Variants in GRIK3 observed in about 807,000 individuals in gnomAD.
GRIK3 encodes glutamate receptor ionotropic, kainate 3.
Under a neutral mutation model 102.5 loss-of-function variants are expected in GRIK3, and 29 were observed. That is an observed-to-expected ratio of 0.28 (90% confidence interval 0.21 to 0.39). GRIK3 has a LOEUF of 0.39. Among genes scored for constraint, GRIK3 ranks in the 10% least tolerant of loss-of-function variants. GRIK3 has a pLI of 1.00. For missense variants in GRIK3, 908 were observed against 1,252.4 expected (o/e 0.73, Z 4.15); for synonymous variants, 511 against 504.9 (o/e 1.01, Z -0.16).
chr1:36,882,277 G>T (rs866516183), intron 2 of GRIK3, among the ~76,000 whole-genome samples: 1 of 152,188 alleles, frequency 6.6e-6, no homozygotes, highest in East Asian at 1.9e-4. Flanking sequence ...AAACAGTTCA[G>T]GTTCTTGCAG....
intron 10 of GRIK3, among the ~76,000 whole-genome samples, chr1:36,838,286 T>C (rs923362595): frequency 6.6e-6 from 1 of 152,240 alleles, no homozygotes; most frequent in Non-Finnish European, 1.5e-5. Flanking sequence ...TGAAATGTGC[T>C]AGACTCAGAA....
intron 1 of GRIK3, among the ~76,000 whole-genome samples, chr1:36,990,442 G>A (rs1470338374): frequency 2.6e-5 from 4 of 152,166 alleles, no homozygotes; most frequent in African/African-American, 9.7e-5. Flanking sequence ...CCCTGGGTCT[G>A]GGAGAACTCC....
chr1:36,986,478 CCAT>C (rs1642308317), intron 1 of GRIK3, among the ~76,000 whole-genome samples: 3 of 140,192 alleles, frequency 2.1e-5, no homozygotes, highest in South Asian at 2.1e-4. Flanking sequence ...ATCCATCCAT[CCAT>C]CCATCCATCC....
At chr1:37,022,666 C>A (rs573714268) in intron 1 of GRIK3, among the ~76,000 whole-genome samples, 3 of 152,200 alleles carry the variant, frequency 2.0e-5, no homozygotes, top group Non-Finnish European at 4.4e-5. Flanking sequence ...TAACAACATC[C>A]TTCATAAAAT....
chr1:36,894,428 T>G (rs1466334755), intron 1 of GRIK3, among the ~76,000 whole-genome samples: 1 of 152,238 alleles, frequency 6.6e-6, no homozygotes. Context: ...TTGTTTTAAT[T>G]GTTTTGAAAA....
At chr1:37,011,570 C>G (rs982572076) in intron 1 of GRIK3, among the ~76,000 whole-genome samples, 1 of 152,170 alleles carries the variant, frequency 6.6e-6, no homozygotes, top group African/African-American at 2.4e-5. Context: ...TGGCTTCATC[C>G]GAAGCAAGTA....
chr1:36,867,890 G>A (rs1476810756), intron 5 of GRIK3, among the ~76,000 whole-genome samples: 1 of 152,112 alleles, frequency 6.6e-6, no homozygotes, highest in African/African-American at 2.4e-5. Context: ...CAAGGCCGGG[G>A]TGGGGGGTCG....
At chr1:36,879,322 T>C (rs1211372683) in intron 3 of GRIK3, among the ~76,000 whole-genome samples, 1 of 152,026 alleles carries the variant, frequency 6.6e-6, no homozygotes, top group Non-Finnish European at 1.5e-5. Flanking sequence ...AGCCAGAACT[T>C]GGCTCTACAA....
chr1:36,958,403 G>C (rs1392498238), intron 1 of GRIK3, among the ~76,000 whole-genome samples: 2 of 100,330 alleles, frequency 2.0e-5, no homozygotes, highest in Non-Finnish European at 3.8e-5. Context: ...CTGTGAGCCT[G>C]TGTGCCCCGT....
Position 36,825,633 on chromosome 1 carries a change from C to A in GRIK3, c.1724G>T (p.Gly575Val). 1 of 1,602,950 alleles carries A rather than the reference C, an allele frequency of 6.2e-7. No individual in the cohort carries two copies. The highest frequency in any genetic ancestry group is 8.5e-7 in the Non-Finnish European group (1 of 1,174,690). ...IWMYVLLAYL[G>V]VSCVLFVIAR... Reference sequence around the variant, plus strand: ...GATGACGAAGAGGACACAGCTGACCCCCAGGTAGGCGAGGAGAACATACAT... The same window carrying A: ...GATGACGAAGAGGACACAGCTGACCACCAGGTAGGCGAGGAGAACATACAT... The change falls in exon 11 of 16, where the codon GGG becomes GTG. Residue 575 changes from glycine (G) to valine (V), a missense_variant. Gly to Val is a moderately radical substitution (Grantham distance 109). Coordinates refer to ENST00000373091, the MANE Select transcript of GRIK3 (RefSeq NM_000831.4).
intron 11 of GRIK3, among the ~76,000 whole-genome samples, chr1:36,823,531 G>A (rs900656428): frequency 6.8e-6 from 1 of 146,958 alleles, no homozygotes; most frequent in South Asian, 2.2e-4. Flanking sequence ...GAAAAACCGT[G>A]AGATGTCACA....
Position 36,854,961 on chromosome 1 carries a change from C to T in GRIK3, c.1105-1239G>A, listed in dbSNP as rs74064789. On this transcript the variant is annotated intron_variant, in intron 7 of 15. Transcript: ENST00000373091. ...TAGAACCCGTGATCCCAGGACCCCTCGGTCTGGACCTGTTTCCCTCCTCCA... is the reference window on the plus strand; with the variant it reads ...TAGAACCCGTGATCCCAGGACCCCTTGGTCTGGACCTGTTTCCCTCCTCCA... 2.6e-3 allele frequency among the ~76,000 whole-genome samples: 396 copies of T among 152,318 alleles called. 2 individuals carry two copies. The highest frequency in any genetic ancestry group is 9.0e-3 in the African/African-American group (373 of 41,566).
chr1:36,952,515 G>A (rs144228280), intron 1 of GRIK3, among the ~76,000 whole-genome samples: 3 of 152,346 alleles, frequency 2.0e-5, no homozygotes, highest in Non-Finnish European at 4.4e-5. Context: ...CTGGTCCTCA[G>A]TTTTCTCATC....
rs771403174 is a variant in GRIK3 at position 36,887,301 on chromosome 1, A to G, written c.292+3619T>C. Among the ~76,000 whole-genome samples, 85 of 152,220 alleles carry G rather than the reference A, an allele frequency of 5.6e-4. 1 individual carries two copies. The highest frequency in any genetic ancestry group is 1.3e-4 in the Non-Finnish European group (9 of 68,034). ...AGACAAAGACTTCTCAAACAACACA[A>G]AATACATTAACCATAATGGAAAATA... On this transcript the variant is annotated intron_variant, in intron 2 of 15. Transcript: ENST00000373091.
chr1:36,922,933 G>A (rs554697333), intron 1 of GRIK3, among the ~76,000 whole-genome samples: 10 of 152,290 alleles, frequency 6.6e-5, no homozygotes, highest in South Asian at 2.1e-4. Context: ...TGGGGTAAAG[G>A]GAGGCTGTAT....
chr1:36,972,061 G>A (rs1471353642), intron 1 of GRIK3, among the ~76,000 whole-genome samples: 6 of 152,214 alleles, frequency 3.9e-5, no homozygotes, highest in African/African-American at 9.6e-5. Context: ...GCAGGAGGGG[G>A]CTTGAGGAGG....
intron 1 of GRIK3, among the ~76,000 whole-genome samples, chr1:36,977,328 G>A (rs1376434010): frequency 1.3e-5 from 2 of 152,176 alleles, no homozygotes; most frequent in East Asian, 3.8e-4. Context: ...TGTATAAGAT[G>A]CACTATTATA....
At position 36,819,614 on chromosome 1, in the gene GRIK3, G is replaced by A. The variant is rs549861226; in HGVS notation, c.1873+122C>T. 2.2e-4 allele frequency: 141 copies of A among 651,108 alleles called. 1 individual carries two copies. The highest frequency in any genetic ancestry group is 7.3e-4 in the South Asian group (41 of 55,938). The allele number at this position is 651,108 out of a possible 1,614,324, so 40.3% of individuals were successfully genotyped here. A position where few individuals can be genotyped will look rare whatever the true frequency, so the allele number is the denominator to read the frequency against. Reference sequence around the variant, plus strand: ...ATCTCGATGTCTCCAAACTTCTGCCGGCTCATCAGGGTCTGAGGCTACCCC... The same window carrying A: ...ATCTCGATGTCTCCAAACTTCTGCCAGCTCATCAGGGTCTGAGGCTACCCC... On this transcript the variant is annotated intron_variant, in intron 12 of 15. Coordinates refer to ENST00000373091, the MANE Select transcript of GRIK3 (RefSeq NM_000831.4). This position sits in a 1 kb window ranked among gnomAD's most constrained non-coding sequence, Gnocchi z 4.1.
chr1:36,816,911 T>C (rs907231296), intron 13 of GRIK3, 149 bp downstream of exon 13: 3 of 621,470 alleles, frequency 4.8e-6, no homozygotes, highest in Non-Finnish European at 8.5e-6. Flanking sequence ...CAAAGTCAAC[T>C]AGTCCAAACA....
Sources: allele counts gnomAD v4.1 joint callset (sites outside exome capture counted in the v4.1 genomes callset), GRCh38; gene constraint gnomAD v4.1.1; non-coding constraint Gnocchi (gnomAD v3.1); transcripts MANE v1.5; gene names NCBI Gene and HGNC (gene_info 2026-07-23, HGNC 2026-07-21).